Variants in SPPL2B observed in about 807,000 individuals in gnomAD.
The protein encoded by SPPL2B is signal peptide peptidase like 2B.
A neutral mutation model predicts 59.7 loss-of-function variants in SPPL2B; 39 were observed. The observed-to-expected ratio is 0.65, with a 90% CI of 0.51 to 0.85. The LOEUF (loss-of-function observed/expected upper bound fraction) is 0.85, where lower values mean the gene tolerates loss of function less well. SPPL2B is among the 40% of genes least tolerant of loss of function. SPPL2B has a pLI of 0.00. For missense variants in SPPL2B, 865 were observed against 849.0 expected (o/e 1.02, Z -0.23); for synonymous variants, 419 against 370.8 (o/e 1.13, Z -1.49).
At chr19:2,336,903 G>T (rs1214876453) in intron 2 of SPPL2B, among the ~76,000 whole-genome samples, 1 of 138,900 alleles carries the variant, frequency 7.2e-6, no homozygotes, top group Non-Finnish European at 1.7e-5. Flanking sequence ...CTGTGGGTGT[G>T]TGTGTGTGTG....
chr19:2,337,205 A>C (rs1460286731), intron 2 of SPPL2B: 2 of 427,646 alleles, frequency 4.7e-6, no homozygotes, highest in Non-Finnish European at 8.3e-6. Flanking sequence ...GTATCAGGGG[A>C]CAGCCATGTC....
rs1308172133 is a variant in SPPL2B at position 2,353,407 on chromosome 19, A to G, written c.*198A>G. 1.6e-6 allele frequency: 1 copy of G among 644,604 alleles called. No individual in the cohort carries two copies. The highest frequency in any genetic ancestry group is 2.6e-6 in the Non-Finnish European group (1 of 390,534). The allele number at this position is 644,604 out of a possible 1,614,324, so 39.9% of individuals were successfully genotyped here. On this transcript the variant is annotated 3_prime_UTR_variant, in exon 15 of 15. Coordinates refer to ENST00000613503, the MANE Select transcript of SPPL2B (RefSeq NM_152988.3). ...CGCCCAGCCCAGCTGCCCCGGCTGCACGCCTGCTGCTCCCAGCTCGCCCGG... is the reference window on the plus strand; with the variant it reads ...CGCCCAGCCCAGCTGCCCCGGCTGCGCGCCTGCTGCTCCCAGCTCGCCCGG...
At chr19:2,329,563 G>A (rs1968170937) in intron 1 of SPPL2B, among the ~76,000 whole-genome samples, 1 of 152,028 alleles carries the variant, frequency 6.6e-6, no homozygotes, top group African/African-American at 2.4e-5. Context: ...CGGTGGCTCA[G>A]GCAATGGAAC....
At chr19:2,336,936 G>A (rs75873865) in intron 2 of SPPL2B, among the ~76,000 whole-genome samples, 18,727 of 148,724 alleles carry the variant, frequency 0.13, 1,299 homozygotes, top group African/African-American at 0.18. Flanking sequence ...TGTGTGTGCC[G>A]TGTGCTCCAG....
In SPPL2B at chr19:2,340,146, G is replaced by A; in HGVS notation, c.813G>A (p.Val271=). The change falls in exon 7 of 15, where the codon GTG becomes GTA. Residue 271 remains valine (V), a synonymous_variant. Coordinates refer to ENST00000613503, the MANE Select transcript of SPPL2B (RefSeq NM_152988.3). The part of the protein sequence containing the change: ...TGLYSCLAPC[V]RRLPFGKCRI... ...TCTACAGCTGCCTGGCGCCCTGTGTGCGGCGGCTGCCCTTCGGCAAGTGCA... is the reference window on the plus strand; with the variant it reads ...TCTACAGCTGCCTGGCGCCCTGTGTACGGCGGCTGCCCTTCGGCAAGTGCA... The A allele has an allele frequency of 6.3e-7, 1 of 1,581,522 alleles. No homozygotes were observed. The highest frequency in any genetic ancestry group is 8.5e-7 in the Non-Finnish European group (1 of 1,170,614).
At chr19:2,339,734 C>T in intron 5 of SPPL2B, 90 bp from the exon 6 acceptor site, 6 of 1,491,538 alleles carry the variant, frequency 4.0e-6, no homozygotes, top group Non-Finnish European at 5.5e-6. Context: ...CCCGGGTTTT[C>T]TGCCCCGTTC....
chr19:2,336,325 ATAGT>A (rs1437329388), intron 2 of SPPL2B, among the ~76,000 whole-genome samples: 1 of 151,352 alleles, frequency 6.6e-6, no homozygotes, highest in South Asian at 2.1e-4. Flanking sequence ...TAGCTACATA[ATAGT>A]TATGTTTGTG....
chr19:2,338,908 C>T (rs901773937), intron 4 of SPPL2B, 67 bp downstream of exon 4: 56 of 1,547,010 alleles, frequency 3.6e-5, no homozygotes, highest in Middle Eastern at 1.7e-4. Context: ...GGCTGGCTGC[C>T]GGGGGGGTTT....
chr19:2,347,233 T>C, intron 13 of SPPL2B, among the ~76,000 whole-genome samples: 1 of 137,202 alleles, frequency 7.3e-6, no homozygotes, highest in Non-Finnish European at 1.5e-5. Flanking sequence ...ACTCACGCGC[T>C]CTCATTCGCT....
chr19:2,338,889 G>A, intron 4 of SPPL2B, 48 bp downstream of exon 4: 9 of 1,579,772 alleles, frequency 5.7e-6, no homozygotes, highest in Non-Finnish European at 6.9e-6. Context: ...GATGGGGCAG[G>A]GGGCTTCGGG....
Position 2,334,642 on chromosome 19 carries a change from C to G in SPPL2B, c.107C>G (p.Ala36Gly). ...GGCATGGTGCACGTGGTCTCCCAGG[C>G]CGGGGGCCCCGAAGGCAAAGACTAC... ...EYGMVHVVSQ[A>G]GGPEGKDYCI... is the part of the protein sequence containing the mutation. The change falls in exon 2 of 15, where the codon GCC becomes GGC. Residue 36 changes from alanine to glycine, a missense_variant. Physicochemically the swap from Ala to Gly is moderately conservative, Grantham distance 60. Transcript: ENST00000613503. 1 of 1,613,018 alleles carries G rather than the reference C, an allele frequency of 6.2e-7. No homozygotes were observed. Among genetic ancestry groups the G allele is most frequent in the Non-Finnish European group, 8.5e-7 (1 of 1,179,504 alleles).
chr19:2,337,920 C>T (rs1968752055), intron 3 of SPPL2B: 2 of 368,100 alleles, frequency 5.4e-6, no homozygotes, highest in African/African-American at 2.1e-5. Flanking sequence ...GGAGACCACA[C>T]TCTCTGTGGG....
intron 3 of SPPL2B, 79 bp downstream of exon 3, chr19:2,337,704 G>C: frequency 1.4e-6 from 2 of 1,383,286 alleles, no homozygotes; most frequent in Non-Finnish European, 1.9e-6. Context: ...GGCAGCAGCT[G>C]GGGCTGGTCT....
At chr19:2,336,999 T>C (rs1159266112) in intron 2 of SPPL2B, 2 of 157,766 alleles carry the variant, frequency 1.3e-5, no homozygotes, top group Non-Finnish European at 2.8e-5. Flanking sequence ...TGGCTGTGGG[T>C]GTGTGTGTGC....
chr19:2,343,849 C>T, intron 9 of SPPL2B, 116 bp from the exon 10 acceptor site: 2 of 757,788 alleles, frequency 2.6e-6, no homozygotes, highest in Non-Finnish European at 2.2e-6. Context: ...ACTGGGCACG[C>T]TCTGCTCAGG....
In SPPL2B at chr19:2,340,510, G is replaced by A. The variant is rs906538934; in HGVS notation, c.839+338G>A. ...GCCCAGAGCTTGGCCTGGCTCTTAG[G>A]GGTAAAGGGAGCTGCTGGGGGGTCT... is the stretch of plus-strand genomic sequence containing the variant. On this transcript the variant is annotated intron_variant, in intron 7 of 14. Transcript: ENST00000613503. 10 of 601,646 alleles carry A rather than the reference G, an allele frequency of 1.7e-5. 1 individual carries two copies. In the Middle Eastern group the frequency reaches 1.0e-3, roughly 63 times the overall value. 37.3% of individuals were successfully genotyped at this position (601,646 alleles called of 1,614,324 possible). A position where few individuals can be genotyped will look rare whatever the true frequency, so the allele number is the denominator to read the frequency against.
chr19:2,354,025 CAG>C lies in SPPL2B; in HGVS notation c.*817_*818del, dbSNP rs1042705698. On this transcript the variant is annotated 3_prime_UTR_variant, in exon 15 of 15. Transcript: ENST00000613503. ...CGCCAGGCAGGCTGGGTCAGGCCCT[CAG>C]GGGTCCCTGGAGCCCTGGGAGGGAG... The C allele has an allele frequency of 1.3e-5, 2 of 152,236 alleles. No homozygotes were observed. Among genetic ancestry groups the C allele is most frequent in the South Asian group, 2.1e-4 (1 of 4,830 alleles). The allele number at this position is 152,236 out of a possible 1,614,324, so 9.4% of individuals were successfully genotyped here.
chr19:2,340,613 G>A, intron 7 of SPPL2B: 1 of 553,296 alleles, frequency 1.8e-6, no homozygotes, highest in Non-Finnish European at 3.3e-6. Flanking sequence ...CCCTGGGTGA[G>A]GAGGTGGGAG....
intron 3 of SPPL2B, chr19:2,337,900 CA>C (rs1180630898): frequency 5.0e-6 from 2 of 402,814 alleles, no homozygotes; most frequent in Admixed American, 8.5e-5. Context: ...GAGCAGCCCC[CA>C]GGGGTGACGG....
Sources: gnomAD v4.1 joint callset for allele counts (sites outside exome capture counted in the v4.1 genomes callset) on GRCh38, gnomAD v4.1.1 for gene constraint, MANE v1.5 for transcripts, NCBI Gene and HGNC (gene_info 2026-07-23, HGNC 2026-07-21) for gene names.